Variants in SLC24A2 observed in about 807,000 individuals in gnomAD.
The protein encoded by SLC24A2 is solute carrier family 24 member 2, also known as sodium/potassium/calcium exchanger 2.
SLC24A2 carries 36 observed loss-of-function variants against 62.0 expected under a neutral mutation model. That is an observed-to-expected ratio of 0.58 (90% CI 0.44 to 0.77). SLC24A2 has a LOEUF of 0.77. Ranked by LOEUF, SLC24A2 falls within the 30% of genes least tolerant of loss-of-function variation. The pLI is 0.00. For synonymous variants in SLC24A2, 358 were observed against 294.0 expected (o/e 1.22, Z -2.23); for missense variants, 846 against 817.9 (o/e 1.03, Z -0.42).
intron 7 of SLC24A2, among the ~76,000 whole-genome samples, chr9:19,566,545 A>T (rs199730849): frequency 3.3e-5 from 5 of 151,960 alleles, no homozygotes; most frequent in African/African-American, 7.3e-5. Flanking sequence ...ATTGTGGAAG[A>T]CAGTGTGGCG....
intron 2 of SLC24A2, among the ~76,000 whole-genome samples, chr9:19,756,616 C>G (rs948234835): frequency 9.2e-5 from 14 of 152,256 alleles, no homozygotes; most frequent in Admixed American, 2.6e-4. Flanking sequence ...CTTGGGCAGT[C>G]ATGTAATTAT....
At chr9:19,949,058 A>G in the SLC24A2 span, among the ~76,000 whole-genome samples, 1 of 151,820 alleles carries the variant, frequency 6.6e-6, no homozygotes, top group Non-Finnish European at 1.5e-5. Flanking sequence ...CAGTGGTGCC[A>G]TCTCAGCTCA....
At chr9:20,128,758 T>G in the SLC24A2 span, among the ~76,000 whole-genome samples, 1 of 152,186 alleles carries the variant, frequency 6.6e-6, no homozygotes, top group East Asian at 1.9e-4. Context: ...GACATTTACA[T>G]GCAAAAGAAT....
chr9:20,273,204 G>A, the SLC24A2 span, among the ~76,000 whole-genome samples: 1 of 152,190 alleles, frequency 6.6e-6, no homozygotes, highest in Non-Finnish European at 1.5e-5. Context: ...AGCGTAAGCA[G>A]AAAGGTCACC....
At chr9:19,526,273 T>C (rs1833443808) in intron 9 of SLC24A2, among the ~76,000 whole-genome samples, 2 of 152,224 alleles carry the variant, frequency 1.3e-5, no homozygotes, top group Admixed American at 1.3e-4. Flanking sequence ...TTGGGTTGTT[T>C]TCACTTTTTG....
chr9:19,842,043 G>A, the SLC24A2 span, among the ~76,000 whole-genome samples: 1 of 152,202 alleles, frequency 6.6e-6, no homozygotes, highest in East Asian at 1.9e-4. Context: ...ACCATTCCCT[G>A]TGGGAACTGA....
chr9:20,034,239 T>C, the SLC24A2 span, among the ~76,000 whole-genome samples: 7 of 152,232 alleles, frequency 4.6e-5, no homozygotes, highest in Admixed American at 4.6e-4. Context: ...TATAGAAATA[T>C]TCTTCAGGTT....
chr9:19,901,709 G>T, the SLC24A2 span, among the ~76,000 whole-genome samples: 6 of 152,268 alleles, frequency 3.9e-5, no homozygotes, highest in African/African-American at 1.4e-4. Context: ...GGCTGAAGCT[G>T]GGACATGAAG....
chr9:20,109,222 C>A, the SLC24A2 span, among the ~76,000 whole-genome samples: 1 of 152,152 alleles, frequency 6.6e-6, no homozygotes, highest in Non-Finnish European at 1.5e-5. Context: ...AAAATTTATC[C>A]TTAAGTGATA....
chr9:19,660,182 G>A (rs1374191863), intron 2 of SLC24A2, among the ~76,000 whole-genome samples: 2 of 152,172 alleles, frequency 1.3e-5, no homozygotes, highest in African/African-American at 4.8e-5. Context: ...CTGCCCTAGG[G>A]AAGCAGGTGG....
chr9:19,551,836 A>G (rs553140723), intron 7 of SLC24A2, among the ~76,000 whole-genome samples: 1 of 152,288 alleles, frequency 6.6e-6, no homozygotes, highest in South Asian at 2.1e-4. Flanking sequence ...GAAAGTATGT[A>G]TAGTGTTTTA....
chr9:19,674,094 G>T (rs1385060427), intron 2 of SLC24A2, among the ~76,000 whole-genome samples: 1 of 152,080 alleles, frequency 6.6e-6, no homozygotes, highest in Non-Finnish European at 1.5e-5. Context: ...CTCAGCATTT[G>T]TCTGAAAAAA....
chr9:20,295,053 T>TATATATATATATATATAC, the SLC24A2 span, among the ~76,000 whole-genome samples: 4 of 144,372 alleles, frequency 2.8e-5, no homozygotes, highest in African/African-American at 1.0e-4. Flanking sequence ...TATATATATA[T>TATATATATATATATATAC]ACACACACAC....
the SLC24A2 span, among the ~76,000 whole-genome samples, chr9:19,800,967 T>C: frequency 3.0e-4 from 46 of 152,320 alleles, no homozygotes; most frequent in Middle Eastern, 3.4e-3. Flanking sequence ...GAGTCTACCT[T>C]ATATGTAATC....
chr9:19,652,309 C>T (rs1208590116), intron 2 of SLC24A2, among the ~76,000 whole-genome samples: 2 of 152,122 alleles, frequency 1.3e-5, no homozygotes, highest in African/African-American at 4.8e-5. Context: ...GTCCTAACCC[C>T]AGAAACCTGT....
the SLC24A2 span, among the ~76,000 whole-genome samples, chr9:19,976,000 C>T: frequency 6.6e-6 from 1 of 152,056 alleles, no homozygotes; most frequent in Non-Finnish European, 1.5e-5. Flanking sequence ...AGCGATCCTC[C>T]CAAGCAGCTG....
intron 2 of SLC24A2, among the ~76,000 whole-genome samples, chr9:19,737,903 A>G (rs1821557506): frequency 6.6e-6 from 1 of 152,214 alleles, no homozygotes; most frequent in Non-Finnish European, 1.5e-5. Context: ...ATCACCATGA[A>G]GCTTCACAAA....
the SLC24A2 span, among the ~76,000 whole-genome samples, chr9:19,908,840 T>G: frequency 1.3e-5 from 2 of 152,134 alleles, no homozygotes; most frequent in Non-Finnish European, 2.9e-5. Flanking sequence ...CAACAGGTGC[T>G]GGAGAGGCTG....
chr9:20,232,413 T>A, the SLC24A2 span, among the ~76,000 whole-genome samples: 8 of 152,142 alleles, frequency 5.3e-5, no homozygotes, highest in East Asian at 1.3e-3. Context: ...CAATTTCAGA[T>A]CCTGTTATTG....
Sources: allele counts gnomAD v4.1 joint callset (sites outside exome capture counted in the v4.1 genomes callset), GRCh38; gene constraint gnomAD v4.1.1; transcripts MANE v1.5; gene names NCBI Gene and HGNC (gene_info 2026-07-23, HGNC 2026-07-21).